The following MASP1 variants were observed in gnomAD, a reference collection of about 807,000 sequenced individuals.
MASP1 encodes mannan-binding lectin serine protease 1.
In MASP1, 59 loss-of-function variants were observed where a neutral mutation model predicts 77.1. The ratio of observed to expected loss-of-function variants is 0.77; its 90% CI spans 0.62 to 0.95. The LOEUF is 0.95. MASP1 is among the 40% of genes least tolerant of loss of function. The probability of loss-of-function intolerance (pLI) is 0.00; values close to 1 mark genes in which losing one functional copy is unlikely to be tolerated. For synonymous variants in MASP1, 362 were observed against 354.5 expected (o/e 1.02, Z -0.24); for missense variants, 885 against 912.9 (o/e 0.97, Z 0.39).
At chr3:187,289,772 G>A (rs1036656590) in intron 1 of MASP1, among the ~76,000 whole-genome samples, 5 of 152,134 alleles carry the variant, frequency 3.3e-5, no homozygotes, top group Non-Finnish European at 7.4e-5. Context: ...CTTGGAGCCC[G>A]AAGACCCAAA....
chr3:187,259,603 G>A (rs1715387550), intron 4 of MASP1, among the ~76,000 whole-genome samples: 1 of 152,080 alleles, frequency 6.6e-6, no homozygotes, highest in Non-Finnish European at 1.5e-5. Context: ...TCTTGGCCCT[G>A]ACTGTACTGA....
intron 14 of MASP1, among the ~76,000 whole-genome samples, chr3:187,221,685 C>T (rs1380274920): frequency 6.6e-6 from 1 of 152,222 alleles, no homozygotes; most frequent in East Asian, 1.9e-4. Context: ...GGAGTTATCA[C>T]TGCTGGCTTT....
chr3:187,241,406 T>C (rs1713625296), intron 10 of MASP1, 75 bp downstream of exon 10: 1 of 1,205,626 alleles, frequency 8.3e-7, no homozygotes, highest in African/African-American at 1.5e-5. Context: ...ATCACCCTGT[T>C]AACAGCCAGA....
At chr3:187,247,844 C>T (rs184750711) in intron 8 of MASP1, among the ~76,000 whole-genome samples, 41,814 of 152,146 alleles carry the variant, frequency 0.27, 6,457 homozygotes, top group Non-Finnish European at 0.35. Flanking sequence ...GAGATTCCAG[C>T]TGCCACTCCC....
chr3:187,289,778 C>G (rs1718160577), intron 1 of MASP1, among the ~76,000 whole-genome samples: 3 of 152,198 alleles, frequency 2.0e-5, no homozygotes, highest in African/African-American at 7.2e-5. Flanking sequence ...GCCCGAAGAC[C>G]CAAATTTGAA....
At chr3:187,238,974 A>G (rs1713400485) in intron 10 of MASP1, among the ~76,000 whole-genome samples, 1 of 152,100 alleles carries the variant, frequency 6.6e-6, no homozygotes, top group Non-Finnish European at 1.5e-5. Flanking sequence ...TCTGCCCAAC[A>G]CTGGGTGTTA....
At chr3:187,222,426 T>G (rs1465417186) in intron 14 of MASP1, among the ~76,000 whole-genome samples, 1 of 152,176 alleles carries the variant, frequency 6.6e-6, no homozygotes, top group African/African-American at 2.4e-5. Context: ...GGATGAATGG[T>G]TGTTGCAAAT....
chr3:187,261,110 G>C (rs1715538979), intron 3 of MASP1, among the ~76,000 whole-genome samples: 1 of 152,138 alleles, frequency 6.6e-6, no homozygotes, highest in Non-Finnish European at 1.5e-5. Context: ...TTCAAACCCA[G>C]GTAACTTGAC....
chr3:187,278,948 C>T (rs3107218), intron 2 of MASP1, among the ~76,000 whole-genome samples: 148,261 of 152,214 alleles, frequency 0.97, 72,321 homozygotes, highest in Middle Eastern at 1. Context: ...AGCATACCCT[C>T]GACTGTGTCA....
intron 2 of MASP1, among the ~76,000 whole-genome samples, chr3:187,280,816 A>G (rs936394478): frequency 2.0e-5 from 3 of 152,226 alleles, no homozygotes; most frequent in African/African-American, 7.2e-5. Context: ...TAATACAAGC[A>G]TGATGTTGGC....
At chr3:187,272,012 AGATGGCAGCG>A (rs992303226) in intron 2 of MASP1, among the ~76,000 whole-genome samples, 2 of 151,682 alleles carry the variant, frequency 1.3e-5, no homozygotes, top group African/African-American at 4.9e-5. Context: ...TAAAACTCAC[AGATGGCAGCG>A]TATGGCAGGG....
In MASP1 at chr3:187,253,292, C is replaced by T. The variant is rs1380926308; in HGVS notation, c.768G>A (p.Leu256=). The change falls in exon 6 of 11, where the codon TTG becomes TTA. Residue 256 remains leucine (L), a synonymous_variant. Coordinates refer to ENST00000296280, the MANE Select transcript of MASP1 (RefSeq NM_139125.4). ...YIKIKVGPKV[L]GPFCGEKAPE... ...GGGCTTTCTCTCCACAGAAAGGCCCCAAAACTTTTGGACCAACTTTGATCT... is the reference window on the plus strand; with the variant it reads ...GGGCTTTCTCTCCACAGAAAGGCCCTAAAACTTTTGGACCAACTTTGATCT... The T allele has an allele frequency of 6.2e-7, 1 of 1,614,028 alleles. No homozygotes were observed. The highest frequency in any genetic ancestry group is 1.7e-5 in the Admixed American group (1 of 60,014).
intron 2 of MASP1, among the ~76,000 whole-genome samples, chr3:187,269,655 T>C (rs986033931): frequency 6.6e-6 from 1 of 152,212 alleles, no homozygotes; most frequent in Admixed American, 6.5e-5. Flanking sequence ...TCTTGGTATC[T>C]GGAGTTGGCA....
At position 187,234,863 on chromosome 3, in the gene MASP1, T is replaced by A; in HGVS notation, c.*821A>T. ...CAAGGCTGAAAGATTGCTTTGTGCT[T>A]GTCTGGAGCAGCAGGTGTGGACGCC... is the stretch of plus-strand genomic sequence containing the variant. On this transcript the variant is annotated 3_prime_UTR_variant, in exon 11 of 11. Transcript: ENST00000296280. The A allele has an allele frequency of 7.8e-7, 1 of 1,287,250 alleles. No individual in the cohort carries two copies. The highest frequency in any genetic ancestry group is 1.0e-6 in the Non-Finnish European group (1 of 988,706). The allele number at this position is 1,287,250 out of a possible 1,614,324, so 79.7% of individuals were successfully genotyped here.
chr3:187,271,592 A>G (rs1462249317), intron 2 of MASP1, among the ~76,000 whole-genome samples: 1 of 152,216 alleles, frequency 6.6e-6, no homozygotes, highest in African/African-American at 2.4e-5. Flanking sequence ...TTGAAAATAA[A>G]AAGTAGAAGG....
At chr3:187,254,685 G>A (rs1714922600) in intron 5 of MASP1, among the ~76,000 whole-genome samples, 1 of 152,046 alleles carries the variant, frequency 6.6e-6, no homozygotes, top group South Asian at 2.1e-4. Context: ...AAAAACAGTT[G>A]GGAAGTTTTG....
At chr3:187,279,074 C>T (rs1717198473) in intron 2 of MASP1, among the ~76,000 whole-genome samples, 2 of 152,092 alleles carry the variant, frequency 1.3e-5, no homozygotes, top group South Asian at 2.1e-4. Flanking sequence ...AAACAAGCTG[C>T]TATGAATTCT....
chr3:187,220,496 C>CTTTTTTTTTTTTT (rs376566294), intron 15 of MASP1, among the ~76,000 whole-genome samples: 2 of 127,766 alleles, frequency 1.6e-5, no homozygotes, highest in African/African-American at 3.1e-5. Flanking sequence ...TTTTTTCTTT[C>CTTTTTTTTTTTTT]TTTTTTTTTT....
chr3:187,219,842 C>G (rs1345450254), exon 16 of MASP1: 2 of 573,742 alleles, frequency 3.5e-6, no homozygotes, highest in Non-Finnish European at 6.3e-6. Flanking sequence ...GCACTGCAAA[C>G]TAGTAAGTGA....
Sources: gnomAD v4.1 joint callset for allele counts (sites outside exome capture counted in the v4.1 genomes callset) on GRCh38, gnomAD v4.1.1 for gene constraint, MANE v1.5 for transcripts, NCBI Gene and HGNC (gene_info 2026-07-23, HGNC 2026-07-21) for gene names.